The following NKAIN3 variants were observed in gnomAD, a reference collection of about 807,000 sequenced individuals.
The protein encoded by NKAIN3 is sodium/potassium transporting ATPase interacting 3.
A neutral mutation model predicts 30.2 loss-of-function variants in NKAIN3; 25 were observed. That is an observed-to-expected ratio of 0.83 (90% CI 0.60 to 1.16). The LOEUF (loss-of-function observed/expected upper bound fraction) is 1.16, where lower values mean the gene tolerates loss of function less well. Ranked by LOEUF, NKAIN3 falls within the 50% of genes most tolerant of loss-of-function variation. The pLI is 0.00. For missense variants in NKAIN3, 225 were observed against 254.1 expected (o/e 0.89, Z 0.78); for synonymous variants, 91 against 89.6 (o/e 1.02, Z -0.09).
Position 62,691,159 on chromosome 8 carries a change from A to C in NKAIN3, c.274-55773A>C, listed in dbSNP as rs539679926. On this transcript the variant is annotated intron_variant, in intron 3 of 6. Transcript: ENST00000623646. ...TGTCTTATGAGAAGTTCTTGAAGCT[A>C]AGTAGCAGCTGGCCTTCTTTATCTT... 8.1e-4 allele frequency among the ~76,000 whole-genome samples: 123 copies of C among 152,288 alleles called. 1 individual carries two copies. The highest frequency in any genetic ancestry group is 3.4e-3 in the Middle Eastern group (1 of 294).
intron 4 of NKAIN3, chr8:62,855,572 A>T (rs1401439109): frequency 6.4e-7 from 1 of 1,573,206 alleles, no homozygotes; most frequent in Non-Finnish European, 8.7e-7. Flanking sequence ...TCTTTTATTC[A>T]TTGCTTCAAC....
intron 1 of NKAIN3, among the ~76,000 whole-genome samples, chr8:62,529,117 G>A (rs980424826): frequency 5.3e-5 from 8 of 152,092 alleles, no homozygotes; most frequent in Non-Finnish European, 4.4e-5. Flanking sequence ...ACTCGCATGG[G>A]CATATCTAGA....
intron 3 of NKAIN3, among the ~76,000 whole-genome samples, chr8:62,642,600 C>T (rs1219095106): frequency 1.3e-5 from 2 of 152,044 alleles, no homozygotes; most frequent in African/African-American, 4.8e-5. Flanking sequence ...GAATATACAC[C>T]TTTTTGCTCT....
chr8:62,475,502 A>G (rs1440013832), intron 1 of NKAIN3, among the ~76,000 whole-genome samples: 2 of 152,152 alleles, frequency 1.3e-5, no homozygotes, highest in Non-Finnish European at 2.9e-5. Flanking sequence ...CACCCAATTA[A>G]AGAGTATGAT....
intron 5 of NKAIN3, among the ~76,000 whole-genome samples, chr8:62,952,054 C>T (rs1280460684): frequency 2.0e-5 from 3 of 152,046 alleles, no homozygotes; most frequent in African/African-American, 7.2e-5. Flanking sequence ...CCCAACTTGG[C>T]ATCCCAAATT....
At chr8:62,538,255 G>A (rs116510544) in intron 1 of NKAIN3, among the ~76,000 whole-genome samples, 1,852 of 152,168 alleles carry the variant, frequency 0.012, 39 homozygotes, top group African/African-American at 0.039. Context: ...GCTCACTGCA[G>A]CATCGACCTC....
At chr8:62,298,038 T>A (rs984789405) in intron 1 of NKAIN3, among the ~76,000 whole-genome samples, 1 of 151,622 alleles carries the variant, frequency 6.6e-6, no homozygotes, top group East Asian at 1.9e-4. Context: ...ATGGATGAAA[T>A]TGGAAATCAT....
At chr8:62,779,186 T>C (rs1398996504) in intron 4 of NKAIN3, among the ~76,000 whole-genome samples, 1 of 151,876 alleles carries the variant, frequency 6.6e-6, no homozygotes, top group Non-Finnish European at 1.5e-5. Context: ...TGGGGAGGGG[T>C]GACACAAGCT....
intron 3 of NKAIN3, among the ~76,000 whole-genome samples, chr8:62,677,359 T>G (rs542409263): frequency 2.6e-5 from 4 of 152,340 alleles, no homozygotes; most frequent in African/African-American, 9.6e-5. Flanking sequence ...AAGGCAAGGA[T>G]GCTGGGCCTT....
chr8:62,641,474 C>T (rs1812306785), intron 3 of NKAIN3, among the ~76,000 whole-genome samples: 1 of 152,078 alleles, frequency 6.6e-6, no homozygotes, highest in Admixed American at 6.6e-5. Context: ...AACAGAAATG[C>T]TCTCAGTAAT....
At chr8:62,911,188 T>C (rs1313739059) in intron 4 of NKAIN3, among the ~76,000 whole-genome samples, 2 of 152,152 alleles carry the variant, frequency 1.3e-5, no homozygotes, top group Non-Finnish European at 2.9e-5. Flanking sequence ...TATTAGAACA[T>C]TAGAAAATAA....
chr8:62,441,086 C>G (rs976953210), intron 1 of NKAIN3, among the ~76,000 whole-genome samples: 9 of 152,172 alleles, frequency 5.9e-5, no homozygotes, highest in Middle Eastern at 3.4e-3. Context: ...TGTTTTACCT[C>G]TTGCTTTTCA....
chr8:62,399,061 C>T (rs980251119), intron 1 of NKAIN3, among the ~76,000 whole-genome samples: 6 of 151,832 alleles, frequency 4.0e-5, no homozygotes, highest in South Asian at 2.1e-4. Context: ...ATTGCACTCC[C>T]GCCTGGGTGA....
At chr8:62,662,679 C>T (rs1812982811) in intron 3 of NKAIN3, among the ~76,000 whole-genome samples, 1 of 152,078 alleles carries the variant, frequency 6.6e-6, no homozygotes, top group South Asian at 2.1e-4. Flanking sequence ...TAGTGAGTGA[C>T]CCAAATTTGT....
Position 62,287,204 on chromosome 8 carries a change from A to G in NKAIN3, c.54+38077A>G, listed in dbSNP as rs75588665. Among the ~76,000 whole-genome samples the G allele has an allele frequency of 5.3e-3, 811 of 151,804 alleles. 10 individuals carry two copies. Among genetic ancestry groups the G allele is most frequent in the African/African-American group, 0.018 (754 of 41,444 alleles). ...GAGGTTGTGATAATGTAAGTGTTAG[A>G]TTAGTCTCTGGTTCTGATTTTTAGA... is the stretch of plus-strand genomic sequence containing the variant. On this transcript the variant is annotated intron_variant, in intron 1 of 6. Transcript: ENST00000623646.
chr8:62,955,544 A>T (rs531800280), intron 6 of NKAIN3, among the ~76,000 whole-genome samples: 2 of 152,204 alleles, frequency 1.3e-5, no homozygotes, highest in South Asian at 4.1e-4. Context: ...TGAAAAAAAA[A>T]ACTCAGCAGA....
In NKAIN3 at chr8:62,589,698, C is replaced by T; in HGVS notation, c.193-16C>T. ...CATATTTTTCTTCTCTTTCTCCCTC[C>T]CCCATTTCTATCTAGTATACAGTGT... On this transcript the variant is annotated splice_polypyrimidine_tract_variant and intron_variant, in intron 2 of 6. Transcript: ENST00000623646. 2 of 1,308,374 alleles carry T rather than the reference C, an allele frequency of 1.5e-6. No individual in the cohort carries two copies. The highest frequency in any genetic ancestry group is 2.2e-6 in the Non-Finnish European group (2 of 921,386). The allele number at this position is 1,308,374 out of a possible 1,614,324, so 81.0% of individuals were successfully genotyped here.
At chr8:62,989,448 G>A (rs1056348057), downstream of NKAIN3, among the ~76,000 whole-genome samples, 10 of 152,190 alleles carry the variant, frequency 6.6e-5, no homozygotes, top group Admixed American at 2.6e-4. Flanking sequence ...GCAAGGAAGA[G>A]AGCTTGTGTA....
At chr8:62,512,909 G>A (rs969814) in intron 1 of NKAIN3, among the ~76,000 whole-genome samples, 109,632 of 151,924 alleles carry the variant, frequency 0.72, 39,979 homozygotes, top group South Asian at 0.81. Flanking sequence ...ACAAATGACT[G>A]TCCTCCCAAC....
Sources: gnomAD v4.1 joint callset for allele counts (sites outside exome capture counted in the v4.1 genomes callset) on GRCh38, gnomAD v4.1.1 for gene constraint, MANE v1.5 for transcripts, NCBI Gene and HGNC (gene_info 2026-07-23, HGNC 2026-07-21) for gene names.